Variants in DCDC1 observed in about 807,000 individuals in gnomAD.
DCDC1 encodes doublecortin domain-containing protein 1.
A neutral mutation model predicts 178.3 loss-of-function variants in DCDC1; 200 were observed. That is an observed-to-expected ratio of 1.12 (90% CI 1.00 to 1.26). The LOEUF is 1.26. DCDC1 is among the 50% of genes most tolerant of loss of function. The probability of loss-of-function intolerance (pLI) is 0.00; values close to 1 mark genes in which losing one functional copy is unlikely to be tolerated. For missense variants in DCDC1, 1,983 were observed against 1,749.2 expected, an observed-to-expected ratio of 1.13 and a Z score of -2.38; for synonymous variants, 690 against 604.8, an observed-to-expected ratio of 1.14 and a Z score of -2.07.
At chr11:31,229,170 C>G (rs1274772900) in intron 9 of DCDC1, among the ~76,000 whole-genome samples, 1 of 152,004 alleles carries the variant, frequency 6.6e-6, no homozygotes, top group African/African-American at 2.4e-5. Flanking sequence ...ATGAATTTCA[C>G]CAAATACTTA....
intron 8 of DCDC1, among the ~76,000 whole-genome samples, chr11:31,258,739 C>G (rs1166017726): frequency 6.6e-6 from 1 of 152,128 alleles, no homozygotes; most frequent in Non-Finnish European, 1.5e-5. Context: ...ACAATTGGAA[C>G]TGATGTGGAG....
At chr11:30,930,207 G>A (rs1344895981) in intron 22 of DCDC1, among the ~76,000 whole-genome samples, 1 of 152,024 alleles carries the variant, frequency 6.6e-6, no homozygotes, top group African/African-American at 2.4e-5. Context: ...GGCACAGCAG[G>A]GCTTCTGCCT....
At chr11:31,074,999 A>G (rs955337427) in intron 18 of DCDC1, among the ~76,000 whole-genome samples, 1 of 152,164 alleles carries the variant, frequency 6.6e-6, no homozygotes, top group Non-Finnish European at 1.5e-5. Flanking sequence ...TAGTGCATCC[A>G]TCACTTGAAT....
intron 9 of DCDC1, among the ~76,000 whole-genome samples, chr11:31,182,505 G>C (rs1968940439): frequency 6.6e-6 from 1 of 152,112 alleles, no homozygotes; most frequent in Admixed American, 6.6e-5. Flanking sequence ...GAGAAATAAA[G>C]TACTTTATGG....
At chr11:30,998,804 G>C (rs1365316127) in intron 20 of DCDC1, among the ~76,000 whole-genome samples, 1 of 152,102 alleles carries the variant, frequency 6.6e-6, no homozygotes, top group Non-Finnish European at 1.5e-5. Context: ...CCCTCCCTGA[G>C]TGTGGGCTGA....
intron 1 of DCDC1, among the ~76,000 whole-genome samples, chr11:31,341,412 T>TAGAC (rs1437340715): frequency 4.1e-5 from 6 of 147,570 alleles, no homozygotes; most frequent in African/African-American, 1.0e-4. Context: ...GATAGATAGA[T>TAGAC]AGATAGATAG....
chr11:31,005,952 GAAAAAAAAAAAAA>G (rs35225668), intron 20 of DCDC1, among the ~76,000 whole-genome samples: 2 of 47,814 alleles, frequency 4.2e-5, no homozygotes, highest in East Asian at 6.8e-4. Context: ...TCTTATTCCT[GAAAAAAAAAAAAA>G]AAAAAAAAAA....
At chr11:30,893,798 G>A (rs1412642103) in intron 35 of DCDC1, among the ~76,000 whole-genome samples, 1 of 152,086 alleles carries the variant, frequency 6.6e-6, no homozygotes, top group Non-Finnish European at 1.5e-5. Context: ...TTTTATGTCT[G>A]GCAATCCTGA....
intron 20 of DCDC1, among the ~76,000 whole-genome samples, chr11:31,011,241 C>A (rs1027750227): frequency 6.6e-6 from 1 of 152,058 alleles, no homozygotes; most frequent in African/African-American, 2.4e-5. Flanking sequence ...GACCTAAATG[C>A]ATTAAGGCAA....
intron 20 of DCDC1, among the ~76,000 whole-genome samples, chr11:30,975,047 G>T (rs1204398842): frequency 6.6e-6 from 1 of 152,062 alleles, no homozygotes; most frequent in Non-Finnish European, 1.5e-5. Context: ...ATTTATTTCA[G>T]GGATTCAAGG....
intron 11 of DCDC1, among the ~76,000 whole-genome samples, chr11:31,112,773 A>G: frequency 6.6e-6 from 1 of 152,156 alleles, no homozygotes. Flanking sequence ...CTTCATGTCA[A>G]TATTGACTTT....
intron 9 of DCDC1, among the ~76,000 whole-genome samples, chr11:31,236,784 GT>G (rs1364798934): frequency 6.6e-6 from 1 of 151,882 alleles, no homozygotes; most frequent in African/African-American, 2.4e-5. Context: ...AGTATATTAT[GT>G]TTATATATTA....
chr11:31,089,656 T>C (rs964090876), intron 17 of DCDC1, among the ~76,000 whole-genome samples: 1 of 152,026 alleles, frequency 6.6e-6, no homozygotes, highest in South Asian at 2.1e-4. Flanking sequence ...CGGTTTTCCT[T>C]GTGAATAGTT....
intron 1 of DCDC1, among the ~76,000 whole-genome samples, chr11:31,336,967 C>G (rs1362301632): frequency 1.3e-5 from 2 of 152,190 alleles, no homozygotes; most frequent in African/African-American, 4.8e-5. Context: ...TTGAAGGAGT[C>G]TGAACCTCTG....
At chr11:31,201,358 A>G (rs1190804040) in intron 9 of DCDC1, among the ~76,000 whole-genome samples, 2 of 151,918 alleles carry the variant, frequency 1.3e-5, no homozygotes, top group African/African-American at 4.8e-5. Flanking sequence ...CCATTTTATA[A>G]AGTTGAACAT....
chr11:31,356,751 G>A (rs1951392908), intron 1 of DCDC1, among the ~76,000 whole-genome samples: 7 of 149,304 alleles, frequency 4.7e-5, no homozygotes, highest in African/African-American at 4.9e-5. Flanking sequence ...ATGATAAAGG[G>A]GATATCACCA....
chr11:30,924,359 T>C (rs1418658240), intron 23 of DCDC1, among the ~76,000 whole-genome samples: 1 of 152,164 alleles, frequency 6.6e-6, no homozygotes, highest in Non-Finnish European at 1.5e-5. Flanking sequence ...TGTTTAAGAC[T>C]CTCTCCAGTA....
intron 7 of DCDC1, among the ~76,000 whole-genome samples, chr11:31,278,309 T>C (rs911112395): frequency 2.0e-5 from 3 of 152,162 alleles, no homozygotes; most frequent in African/African-American, 7.2e-5. Context: ...AAACAGGTAG[T>C]GTAAATGGAA....
intron 1 of DCDC1, among the ~76,000 whole-genome samples, chr11:31,344,195 A>G (rs943397831): frequency 6.6e-6 from 1 of 152,214 alleles, no homozygotes; most frequent in Non-Finnish European, 1.5e-5. Flanking sequence ...TTAAAGAAAT[A>G]AAAATGTGTT....
Sources: allele counts gnomAD v4.1 joint callset (sites outside exome capture counted in the v4.1 genomes callset), GRCh38; gene constraint gnomAD v4.1.1; transcripts MANE v1.5; gene names NCBI Gene and HGNC (gene_info 2026-07-23, HGNC 2026-07-21).